The following DHX37 variants were observed in gnomAD, a reference collection of about 807,000 sequenced individuals.
The protein encoded by DHX37 is DEAH-box helicase 37.
A neutral mutation model predicts 134.3 loss-of-function variants in DHX37; 52 were observed. The ratio of observed to expected loss-of-function variants is 0.39; its 90% confidence interval spans 0.31 to 0.49. The LOEUF is 0.49. Ranked by LOEUF, DHX37 falls within the 20% of genes least tolerant of loss-of-function variation. DHX37 has a pLI of 0.93. For synonymous variants in DHX37, 634 were observed against 670.7 expected, an observed-to-expected ratio of 0.95 and a Z score of 0.85; for missense variants, 1,344 against 1,580.8, an observed-to-expected ratio of 0.85 and a Z score of 2.54.
chr12:124,983,618 C>G (rs1243350599), intron 2 of DHX37, among the ~76,000 whole-genome samples: 1 of 151,742 alleles, frequency 6.6e-6, no homozygotes, highest in Admixed American at 6.6e-5. Context: ...AACCATGTCT[C>G]TACTAAAAAT....
Position 124,988,160 on chromosome 12 carries a change from G to T in DHX37, c.106+757C>A, listed in dbSNP as rs369149493. Among the ~76,000 whole-genome samples, 14 of 151,938 alleles carry T rather than the reference G, an allele frequency of 9.2e-5. No homozygotes were observed. In the East Asian group the frequency reaches 2.1e-3, roughly 23 times the overall value. On this transcript the variant is annotated intron_variant, in intron 1 of 26. Coordinates refer to ENST00000308736, the MANE Select transcript of DHX37 (RefSeq NM_032656.4). ...AGGTGCCCACCACCACGCCTCCTCT[G>T]CTCTAAATGCTCCCATGGCTGCCCT...
At chr12:124,965,072 A>T in intron 13 of DHX37, 66 bp from the exon 14 acceptor site, 1 of 1,526,354 alleles carries the variant, frequency 6.6e-7, no homozygotes, top group East Asian at 2.4e-5. Flanking sequence ...GGAGCTGGCC[A>T]CAGCGGCCCT....
chr12:124,951,329 G>A (rs1833811146), intron 21 of DHX37, among the ~76,000 whole-genome samples: 1 of 151,636 alleles, frequency 6.6e-6, no homozygotes, highest in South Asian at 2.1e-4. Flanking sequence ...GGCGTGGATG[G>A]GGCTTGAAAG....
At chr12:124,976,644 A>G (rs907807380) in intron 5 of DHX37, among the ~76,000 whole-genome samples, 1 of 152,098 alleles carries the variant, frequency 6.6e-6, no homozygotes, top group African/African-American at 2.4e-5. Context: ...CCCGGCTAAC[A>G]TGGTGAAACC....
chr12:124,948,083 C>A lies in DHX37; in HGVS notation c.3388+1G>T. The A allele has an allele frequency of 6.2e-7, 1 of 1,614,276 alleles. No individual in the cohort carries two copies. The highest frequency in any genetic ancestry group is 8.5e-7 in the Non-Finnish European group (1 of 1,180,052). Reference sequence around the variant, plus strand: ...CACCCCCTGGCCCTGGTCAAACTCACATTTGGGGTTTTTCTTCCAAGCAGC... The same window carrying A: ...CACCCCCTGGCCCTGGTCAAACTCAAATTTGGGGTTTTTCTTCCAAGCAGC... On this transcript the variant is annotated splice_donor_variant, in intron 26 of 26. Transcript: ENST00000308736. LOFTEE classifies it high-confidence loss of function.
In DHX37 at chr12:124,949,442, G is replaced by T. The variant is rs1283099618; in HGVS notation, c.3290+544C>A. On this transcript the variant is annotated intron_variant, in intron 25 of 26. Coordinates refer to ENST00000308736, the MANE Select transcript of DHX37 (RefSeq NM_032656.4). This position sits in a 1 kb window ranked among gnomAD's most constrained non-coding sequence, Gnocchi z 4.0. ...GGCAAGGGTGAGCCCTGAAGCAGAG[G>T]TGGTGGGCGGGATGGGGCAGGGGTC... is the stretch of plus-strand genomic sequence containing the variant. 6.7e-6 allele frequency among the ~76,000 whole-genome samples: 1 copy of T among 149,462 alleles called. No individual in the cohort carries two copies. Among genetic ancestry groups the T allele is most frequent in the Non-Finnish European group, 1.5e-5 (1 of 67,264 alleles).
At chr12:124,965,912 C>A in intron 12 of DHX37, 100 bp from the exon 13 acceptor site, 2 of 1,483,328 alleles carry the variant, frequency 1.3e-6, no homozygotes, top group Non-Finnish European at 1.8e-6. Flanking sequence ...AAGCCCCGGT[C>A]CACACCCATG....
chr12:124,978,621 A>G (rs1594507858), intron 4 of DHX37, among the ~76,000 whole-genome samples: 1 of 138,426 alleles, frequency 7.2e-6, no homozygotes, highest in Non-Finnish European at 1.6e-5. Context: ...CCTGGCCTCC[A>G]TTTGTTTTTT....
At chr12:124,960,231 C>G (rs1954205142) in intron 16 of DHX37, 81 bp downstream of exon 16, 3 of 1,546,462 alleles carry the variant, frequency 1.9e-6, no homozygotes, top group Middle Eastern at 2.4e-4. Context: ...ACCAGCAGAC[C>G]CAGCTCTGGG....
At chr12:124,958,826 A>G (rs574163025) in intron 16 of DHX37, among the ~76,000 whole-genome samples, 69 of 150,762 alleles carry the variant, frequency 4.6e-4, no homozygotes, top group African/African-American at 1.6e-3. Context: ...GAGTTTCACC[A>G]TATTGGCCAG....
chr12:124,960,540 A>T lies in DHX37; in HGVS notation c.2046-117T>A, dbSNP rs1285900528. On this transcript the variant is annotated intron_variant, in intron 15 of 26. Transcript: ENST00000308736. The stretch of plus-strand genomic sequence containing the variant: ...AACAAAACTCAGTCATGCCACTGGG[A>T]CTGGATCTTCACCTGACAGCAGGCA... 4.7e-6 allele frequency: 7 copies of T among 1,483,942 alleles called. No individual in the cohort carries two copies. The African/African-American group carries it at 9.8e-5, about 21-fold the overall frequency. The allele number at this position is 1,483,942 out of a possible 1,614,324, so 91.9% of individuals were successfully genotyped here. A position where few individuals can be genotyped will look rare whatever the true frequency, so the allele number is the denominator to read the frequency against.
At chr12:124,966,394 C>A (rs1196913113) in intron 12 of DHX37, among the ~76,000 whole-genome samples, 1 of 152,142 alleles carries the variant, frequency 6.6e-6, no homozygotes, top group Non-Finnish European at 1.5e-5. Flanking sequence ...GACAGAGTCT[C>A]ACTCTGTTGC....
chr12:124,978,102 A>C (rs1002402727), intron 4 of DHX37, among the ~76,000 whole-genome samples: 2 of 151,964 alleles, frequency 1.3e-5, no homozygotes, highest in African/African-American at 4.8e-5. Flanking sequence ...CTGGGATTAC[A>C]GGCACATGCC....
chr12:124,982,135 CA>C (rs113891297), intron 3 of DHX37, among the ~76,000 whole-genome samples: 2 of 144,430 alleles, frequency 1.4e-5, no homozygotes, highest in East Asian at 2.1e-4. Flanking sequence ...AAAAAAAAAA[CA>C]AAAAAAAACA....
intron 7 of DHX37, among the ~76,000 whole-genome samples, chr12:124,971,712 G>A (rs567296298): frequency 6.6e-6 from 1 of 152,194 alleles, no homozygotes; most frequent in African/African-American, 2.4e-5. Flanking sequence ...AAGCCAGGAG[G>A]GCTGGAATCA....
At chr12:124,981,113 G>A (rs1218227847) in intron 3 of DHX37, among the ~76,000 whole-genome samples, 1 of 152,132 alleles carries the variant, frequency 6.6e-6, no homozygotes, top group Non-Finnish European at 1.5e-5. Context: ...GTGCTTCCCA[G>A]CGTGGGACAC....
chr12:124,975,637 G>C (rs540874611), intron 5 of DHX37, 126 bp from the exon 6 acceptor site: 3 of 952,152 alleles, frequency 3.2e-6, no homozygotes, highest in Non-Finnish European at 4.7e-6. Flanking sequence ...GTGGGAAACA[G>C]TGCCAGGTTG....
Position 124,947,444 on chromosome 12 carries a change from C to T in DHX37, c.*358G>A, listed in dbSNP as rs3803143. The T allele has an allele frequency of 0.35, 67,863 of 192,788 alleles. 12,322 individuals carry two copies. The highest frequency in any genetic ancestry group is 0.43 in the South Asian group (2,272 of 5,342). The allele number at this position is 192,788 out of a possible 1,614,324, so 11.9% of individuals were successfully genotyped here. ...GAAGGAGGCCCTCCACGTGCCTCCTCGGCCTTCTGGCAGGGCGGGCGGGGA... is the reference window on the plus strand; with the variant it reads ...GAAGGAGGCCCTCCACGTGCCTCCTTGGCCTTCTGGCAGGGCGGGCGGGGA... On this transcript the variant is annotated 3_prime_UTR_variant, in exon 27 of 27. Coordinates refer to ENST00000308736, the MANE Select transcript of DHX37 (RefSeq NM_032656.4).
intron 15 of DHX37, among the ~76,000 whole-genome samples, chr12:124,961,231 C>T (rs1264102451): frequency 1.8e-5 from 2 of 108,668 alleles, no homozygotes; most frequent in Non-Finnish European, 3.7e-5. Flanking sequence ...CACGCACGCA[C>T]ACACACATAC....
Sources: allele counts gnomAD v4.1 joint callset (sites outside exome capture counted in the v4.1 genomes callset), GRCh38; gene constraint gnomAD v4.1.1; non-coding constraint Gnocchi (gnomAD v3.1); transcripts MANE v1.5; gene names NCBI Gene and HGNC (gene_info 2026-07-23, HGNC 2026-07-21).